MYO16: variants seen among roughly 807,000 people sequenced by gnomAD.
MYO16 encodes the protein myosin XVI, also known as unconventional myosin-XVI.
A neutral mutation model predicts 205.3 loss-of-function variants in MYO16; 94 were observed. The ratio of observed to expected loss-of-function variants is 0.46; its 90% confidence interval spans 0.39 to 0.54. The LOEUF (loss-of-function observed/expected upper bound fraction) is 0.54. MYO16 is among the 20% of genes least tolerant of loss of function. The pLI is 0.00. For missense variants in MYO16, 2,315 were observed against 2,387.5 expected (o/e 0.97, Z 0.63); for synonymous variants, 988 against 954.0 (o/e 1.04, Z -0.66).
chr13:108,681,080 A>G (rs72664981), intron 2 of MYO16, among the ~76,000 whole-genome samples: 22,940 of 152,242 alleles, frequency 0.15, 2,033 homozygotes, highest in Non-Finnish European at 0.2. Flanking sequence ...ATCAAAAACC[A>G]TGCAAGCATG....
At chr13:108,841,427 A>G (rs1047462988) in intron 9 of MYO16, among the ~76,000 whole-genome samples, 2 of 152,224 alleles carry the variant, frequency 1.3e-5, no homozygotes, top group Non-Finnish European at 2.9e-5. Context: ...AATGGATCGT[A>G]GGTCAAAGTG....
intron 4 of MYO16, among the ~76,000 whole-genome samples, chr13:108,743,153 A>G (rs1005905924): frequency 6.6e-6 from 1 of 152,196 alleles, no homozygotes; most frequent in African/African-American, 2.4e-5. Context: ...AAGGGGTATT[A>G]ATTTCTTTAA....
chr13:108,721,234 C>G (rs9520985), intron 3 of MYO16, among the ~76,000 whole-genome samples: 66,135 of 151,746 alleles, frequency 0.44, 14,670 homozygotes, highest in East Asian at 0.58. Context: ...ACGGTCAAAG[C>G]TTTGGACAAC....
intron 9 of MYO16, among the ~76,000 whole-genome samples, chr13:108,826,657 G>A (rs1322414138): frequency 1.3e-5 from 2 of 152,004 alleles, no homozygotes; most frequent in African/African-American, 4.8e-5. Flanking sequence ...CTAACAAAAT[G>A]TAAAGGGATG....
chr13:108,911,241 T>C (rs1017006334), intron 16 of MYO16, among the ~76,000 whole-genome samples: 19 of 152,178 alleles, frequency 1.2e-4, no homozygotes, highest in African/African-American at 4.6e-4. Flanking sequence ...TCTCTCTGCT[T>C]TGCTGTGCTA....
intron 20 of MYO16, among the ~76,000 whole-genome samples, chr13:108,971,634 G>T (rs1356702775): frequency 1.3e-5 from 2 of 151,544 alleles, no homozygotes; most frequent in African/African-American, 4.8e-5. Context: ...TATATATGGA[G>T]ATCATTTTTT....
At chr13:108,762,871 T>C (rs1885655495) in intron 4 of MYO16, among the ~76,000 whole-genome samples, 1 of 152,204 alleles carries the variant, frequency 6.6e-6, no homozygotes, top group Admixed American at 6.5e-5. Flanking sequence ...ATGTGGTCTT[T>C]GCATTCTGAG....
At chr13:108,960,558 A>G (rs1883543612) in intron 17 of MYO16, among the ~76,000 whole-genome samples, 2 of 152,212 alleles carry the variant, frequency 1.3e-5, no homozygotes, top group South Asian at 4.1e-4. Context: ...AGTCTCAAGA[A>G]GTGTATTGTT....
chr13:109,126,174 G>T (rs1353038884), intron 30 of MYO16, among the ~76,000 whole-genome samples: 1 of 151,974 alleles, frequency 6.6e-6, no homozygotes, highest in Non-Finnish European at 1.5e-5. Flanking sequence ...AGTGGAAATG[G>T]CAATGTGTAT....
At chr13:108,865,520 C>CT (rs146861727) in intron 11 of MYO16, among the ~76,000 whole-genome samples, 3,337 of 150,344 alleles carry the variant, frequency 0.022, 197 homozygotes, top group East Asian at 0.21. Context: ...ATCCTTTTCC[C>CT]TTTTTTTTTA....
intron 19 of MYO16, among the ~76,000 whole-genome samples, chr13:108,964,412 T>C (rs1883708990): frequency 6.6e-6 from 1 of 152,180 alleles, no homozygotes; most frequent in Non-Finnish European, 1.5e-5. Flanking sequence ...TCCACATGCC[T>C]TAGGATGATT....
In MYO16 at chr13:108,962,508, T is replaced by A; in HGVS notation, c.2227+13T>A. The stretch of plus-strand genomic sequence containing the variant: ...CAATATTTTAAAGGTAATTTTTTTA[T>A]GCTCTAACATCTTTGTGCAATTTAG... On this transcript the variant is annotated intron_variant, in intron 19 of 34. Transcript: ENST00000457511. 2 of 1,529,426 alleles carry A rather than the reference T, an allele frequency of 1.3e-6. No individual in the cohort carries two copies. The highest frequency in any genetic ancestry group is 1.8e-6 in the Non-Finnish European group (2 of 1,121,382). The allele number at this position is 1,529,426 out of a possible 1,614,324, so 94.7% of individuals were successfully genotyped here.
At chr13:108,636,810 T>C (rs1382077054) in intron 1 of MYO16, among the ~76,000 whole-genome samples, 1 of 152,198 alleles carries the variant, frequency 6.6e-6, no homozygotes, top group African/African-American at 2.4e-5. Flanking sequence ...TTTCAATACA[T>C]AGTGTGATGA....
intron 15 of MYO16, among the ~76,000 whole-genome samples, chr13:108,899,160 A>T (rs1042496457): frequency 2.6e-5 from 4 of 152,232 alleles, no homozygotes. Context: ...GCAGTGGCTC[A>T]CGCCTGAAAT....
intron 28 of MYO16, among the ~76,000 whole-genome samples, chr13:109,111,496 A>C (rs531446797): frequency 1.3e-5 from 2 of 152,358 alleles, no homozygotes; most frequent in South Asian, 4.1e-4. Context: ...CTACGATAGT[A>C]CATATCCTTT....
intron 32 of MYO16, among the ~76,000 whole-genome samples, chr13:109,143,317 C>T (rs1338749177): frequency 6.6e-6 from 1 of 152,134 alleles, no homozygotes; most frequent in Non-Finnish European, 1.5e-5. Context: ...AACCTTCTCC[C>T]TATTTATTCT....
chr13:108,517,499 T>C, the MYO16 span, among the ~76,000 whole-genome samples: 22,145 of 152,198 alleles, frequency 0.15, 1,959 homozygotes, highest in Non-Finnish European at 0.2. Flanking sequence ...GACCTGTCTT[T>C]ACAACAGACA....
At chr13:108,815,893 G>T (rs942253838) in intron 7 of MYO16, among the ~76,000 whole-genome samples, 1 of 152,152 alleles carries the variant, frequency 6.6e-6, no homozygotes, top group Non-Finnish European at 1.5e-5. Context: ...CCACTTGTAA[G>T]ATTTCAAAAC....
chr13:108,750,897 A>G (rs548553612), intron 4 of MYO16, among the ~76,000 whole-genome samples: 1 of 152,288 alleles, frequency 6.6e-6, no homozygotes, highest in South Asian at 2.1e-4. Context: ...TTTCTCATTG[A>G]TGCAGTGGGA....
Sources: gnomAD v4.1 joint callset for allele counts (sites outside exome capture counted in the v4.1 genomes callset) on GRCh38, gnomAD v4.1.1 for gene constraint, MANE v1.5 for transcripts, NCBI Gene and HGNC (gene_info 2026-07-23, HGNC 2026-07-21) for gene names.